The following ARB2A variants were observed in gnomAD, a reference collection of about 807,000 sequenced individuals.
ARB2A encodes the protein cotranscriptional regulator ARB2A.
At chr5:94,055,743 C>T in the ARB2A span, 2 of 985,298 alleles carry the variant, frequency 2.0e-6, no homozygotes, top group Non-Finnish European at 2.4e-6. Flanking sequence ...TTCTCATTTT[C>T]CTTCTTCCAA....
the ARB2A span, among the ~76,000 whole-genome samples, chr5:93,895,348 G>A: frequency 8.9e-3 from 1,352 of 152,272 alleles, 26 homozygotes; most frequent in African/African-American, 0.031. Context: ...AGGAAAAGCA[G>A]TAAGCATTTG....
At chr5:93,884,192 T>TTTACAGTC in the ARB2A span, among the ~76,000 whole-genome samples, 11 of 151,578 alleles carry the variant, frequency 7.3e-5, no homozygotes, top group Non-Finnish European at 1.2e-4. Context: ...TTGAACAAAA[T>TTTACAGTC]TTACAGTCAC....
At chr5:93,825,550 G>A in the ARB2A span, among the ~76,000 whole-genome samples, 5 of 152,228 alleles carry the variant, frequency 3.3e-5, no homozygotes, top group Non-Finnish European at 7.4e-5. Flanking sequence ...TGCTCTGACA[G>A]GTGCTCTTTT....
chr5:93,880,598 C>A, the ARB2A span, among the ~76,000 whole-genome samples: 87 of 151,660 alleles, frequency 5.7e-4, no homozygotes, highest in Non-Finnish European at 9.0e-4. Context: ...TTTTCTTAAC[C>A]CGTAGCATTT....
chr5:93,662,351 G>A, the ARB2A span, among the ~76,000 whole-genome samples: 1 of 152,134 alleles, frequency 6.6e-6, no homozygotes, highest in African/African-American at 2.4e-5. Context: ...AGGAGATAGT[G>A]TATTGAGTTC....
At chr5:94,001,836 G>A in the ARB2A span, among the ~76,000 whole-genome samples, 5 of 151,938 alleles carry the variant, frequency 3.3e-5, no homozygotes, top group African/African-American at 1.2e-4. Flanking sequence ...TCATCAAATT[G>A]TTTTTAGTGC....
At chr5:93,761,199 G>C in the ARB2A span, among the ~76,000 whole-genome samples, 6 of 152,146 alleles carry the variant, frequency 3.9e-5, no homozygotes, top group Non-Finnish European at 1.5e-5. Context: ...GGGAGTGTCA[G>C]AAAGTGGGTG....
chr5:93,758,487 T>C, the ARB2A span, among the ~76,000 whole-genome samples: 5 of 152,140 alleles, frequency 3.3e-5, no homozygotes, highest in Admixed American at 2.0e-4. Flanking sequence ...AGATAGACCA[T>C]ATGATAGGCC....
chr5:93,815,593 G>C, the ARB2A span, among the ~76,000 whole-genome samples: 1 of 152,100 alleles, frequency 6.6e-6, no homozygotes, highest in African/African-American at 2.4e-5. Flanking sequence ...TATGATAATA[G>C]CTTATTTCTT....
the ARB2A span, among the ~76,000 whole-genome samples, chr5:93,810,283 T>C: frequency 6.6e-6 from 1 of 151,928 alleles, no homozygotes; most frequent in Non-Finnish European, 1.5e-5. Flanking sequence ...TTGGACTAAT[T>C]GTGTCCTTTG....
At chr5:93,949,447 G>A in the ARB2A span, among the ~76,000 whole-genome samples, 79 of 152,130 alleles carry the variant, frequency 5.2e-4, no homozygotes, top group African/African-American at 1.9e-3. Flanking sequence ...TGTAGTCCCA[G>A]CTACTTGGGA....
the ARB2A span, among the ~76,000 whole-genome samples, chr5:93,725,385 TA>T: frequency 1.3e-5 from 2 of 151,938 alleles, no homozygotes; most frequent in Non-Finnish European, 2.9e-5. Context: ...AAGAAAATCA[TA>T]AGCAACAAAG....
At chr5:93,708,331 T>C in the ARB2A span, among the ~76,000 whole-genome samples, 1 of 152,202 alleles carries the variant, frequency 6.6e-6, no homozygotes, top group African/African-American at 2.4e-5. Context: ...TCTATTTCTT[T>C]GGTATGATAA....
At chr5:93,786,473 A>C in the ARB2A span, among the ~76,000 whole-genome samples, 1 of 152,180 alleles carries the variant, frequency 6.6e-6, no homozygotes, top group South Asian at 2.1e-4. Flanking sequence ...AGCATTTTAC[A>C]CTTTAAAAAT....
chr5:93,990,155 TA>T, the ARB2A span, among the ~76,000 whole-genome samples: 3 of 151,954 alleles, frequency 2.0e-5, no homozygotes, highest in African/African-American at 4.8e-5. Context: ...TATCTTACCT[TA>T]AAAAAAGTAC....
chr5:94,010,233 G>C, the ARB2A span, among the ~76,000 whole-genome samples: 1 of 151,936 alleles, frequency 6.6e-6, no homozygotes, highest in East Asian at 1.9e-4. Context: ...CATAAGTTTT[G>C]ATATATTGCG....
the ARB2A span, among the ~76,000 whole-genome samples, chr5:94,075,049 C>T: frequency 6.6e-6 from 1 of 152,004 alleles, no homozygotes; most frequent in Admixed American, 6.6e-5. Flanking sequence ...TTACAGTTAC[C>T]TAATGTTTGC....
the ARB2A span, among the ~76,000 whole-genome samples, chr5:94,017,987 G>A: frequency 2.5e-4 from 38 of 152,224 alleles, 1 homozygote; most frequent in East Asian, 6.8e-3. Context: ...AGAGGTTTCC[G>A]CTTTTGCTTC....
the ARB2A span, chr5:93,743,582 G>A: frequency 0.069 from 67,301 of 982,226 alleles, 2,856 homozygotes; most frequent in African/African-American, 0.19. Flanking sequence ...TCTGCCAAAC[G>A]GAATGAAAGC....
Sources: gnomAD v4.1 joint callset for allele counts (sites outside exome capture counted in the v4.1 genomes callset) on GRCh38, gnomAD v4.1.1 for gene constraint, MANE v1.5 for transcripts, NCBI Gene and HGNC (gene_info 2026-07-23, HGNC 2026-07-21) for gene names.